The following ANKS1B variants were observed in gnomAD, a reference collection of about 807,000 sequenced individuals.
ANKS1B encodes the protein ankyrin repeat and sterile alpha motif domain containing 1B.
A neutral mutation model predicts 148.3 loss-of-function variants in ANKS1B; 36 were observed. That is an observed-to-expected ratio of 0.24 (90% CI 0.19 to 0.32). The LOEUF is 0.32. Ranked by LOEUF, ANKS1B falls within the 10% of genes least tolerant of loss-of-function variation. The pLI is 1.00. For synonymous variants in ANKS1B, 542 were observed against 560.8 expected, an observed-to-expected ratio of 0.97 and a Z score of 0.47; for missense variants, 1,157 against 1,542.6, an observed-to-expected ratio of 0.75 and a Z score of 4.19.
intron 17 of ANKS1B, among the ~76,000 whole-genome samples, chr12:99,001,571 T>A (rs928549267): frequency 1.2e-4 from 17 of 143,394 alleles, no homozygotes; most frequent in Non-Finnish European, 1.5e-5. Context: ...GTATACTATG[T>A]GATAATTTAA....
At chr12:98,765,310 G>T (rs1203440192) in intron 25 of ANKS1B, among the ~76,000 whole-genome samples, 2 of 152,142 alleles carry the variant, frequency 1.3e-5, no homozygotes, top group African/African-American at 4.8e-5. Context: ...AGTCACCCAG[G>T]CTGGAGTGCA....
chr12:99,185,775 T>G (rs2712639), intron 14 of ANKS1B, among the ~76,000 whole-genome samples: 1 of 152,264 alleles, frequency 6.6e-6, no homozygotes, highest in East Asian at 1.9e-4. Flanking sequence ...CCAGTGCCTA[T>G]GCCACAAGGG....
chr12:99,045,785 TTGCATTTGCC>T (rs1266406404), intron 17 of ANKS1B, among the ~76,000 whole-genome samples: 3 of 152,072 alleles, frequency 2.0e-5, no homozygotes, highest in Non-Finnish European at 4.4e-5. Context: ...ACAAAATGAG[TTGCATTTGCC>T]TGCAATTGCC....
intron 15 of ANKS1B, among the ~76,000 whole-genome samples, chr12:99,149,389 C>T (rs949516880): frequency 6.6e-6 from 1 of 152,150 alleles, no homozygotes; most frequent in African/African-American, 2.4e-5. Flanking sequence ...ATAGGCACTA[C>T]TCACTTTAAC....
chr12:99,644,158 A>G (rs2098336609), intron 9 of ANKS1B, among the ~76,000 whole-genome samples: 1 of 152,188 alleles, frequency 6.6e-6, no homozygotes, highest in Non-Finnish European at 1.5e-5. Flanking sequence ...CACCTACTAG[A>G]TCTGCTTTGC....
intron 9 of ANKS1B, among the ~76,000 whole-genome samples, chr12:99,614,002 G>T (rs554991241): frequency 6.6e-6 from 1 of 151,780 alleles, no homozygotes; most frequent in African/African-American, 2.4e-5. Flanking sequence ...AGATTTAAAT[G>T]ATTCTTTGAT....
At chr12:98,909,085 G>A (rs1313503010) in intron 17 of ANKS1B, among the ~76,000 whole-genome samples, 1 of 152,192 alleles carries the variant, frequency 6.6e-6, no homozygotes, top group Non-Finnish European at 1.5e-5. Context: ...CAGAGCTGGT[G>A]TGTGGTTCTA....
At chr12:98,927,511 T>A (rs1192717690) in intron 17 of ANKS1B, among the ~76,000 whole-genome samples, 1 of 152,064 alleles carries the variant, frequency 6.6e-6, no homozygotes, top group African/African-American at 2.4e-5. Flanking sequence ...TGCAAAGCAA[T>A]GATGACAAGC....
At chr12:99,499,502 C>T (rs1001589602) in intron 10 of ANKS1B, among the ~76,000 whole-genome samples, 1 of 152,156 alleles carries the variant, frequency 6.6e-6, no homozygotes, top group African/African-American at 2.4e-5. Flanking sequence ...AGTTAACACT[C>T]CTTCATCAAG....
intron 17 of ANKS1B, among the ~76,000 whole-genome samples, chr12:98,981,229 C>T (rs970672421): frequency 6.6e-6 from 1 of 152,214 alleles, no homozygotes; most frequent in African/African-American, 2.4e-5. Flanking sequence ...CCTCGAATTC[C>T]TGGCCTCAAG....
intron 12 of ANKS1B, among the ~76,000 whole-genome samples, chr12:99,373,373 T>G (rs1202442739): frequency 6.6e-6 from 1 of 152,158 alleles, no homozygotes; most frequent in Non-Finnish European, 1.5e-5. Context: ...GTGGACATCT[T>G]TTGTTTTTGC....
chr12:99,184,840 G>A lies in ANKS1B; in HGVS notation c.2420-30445C>T, dbSNP rs567660621. On this transcript the variant is annotated intron_variant, in intron 14 of 26. Coordinates refer to ENST00000683438, the MANE Select transcript of ANKS1B (RefSeq NM_001352186.2). ...TTAGTCACCCTGAGCCTCAGGTTTC[G>A]TATTTCTAAAATGAGGGTTAAAAAT... is the stretch of plus-strand genomic sequence containing the variant. Among the ~76,000 whole-genome samples the A allele has an allele frequency of 7.9e-5, 12 of 152,226 alleles. 1 individual carries two copies. The highest frequency in any genetic ancestry group is 2.4e-4 in the African/African-American group (10 of 41,538).
chr12:98,844,417 C>T (rs2099431216), intron 17 of ANKS1B, among the ~76,000 whole-genome samples: 1 of 152,196 alleles, frequency 6.6e-6, no homozygotes, highest in Non-Finnish European at 1.5e-5. Context: ...CCAGAAGGAG[C>T]TCAGCAGCCA....
At chr12:99,487,858 T>C (rs1289289091) in intron 10 of ANKS1B, among the ~76,000 whole-genome samples, 1 of 152,172 alleles carries the variant, frequency 6.6e-6, no homozygotes, top group African/African-American at 2.4e-5. Context: ...AATTCTATTA[T>C]TCAATAGTTC....
intron 17 of ANKS1B, among the ~76,000 whole-genome samples, chr12:98,869,884 G>A (rs2099644374): frequency 6.6e-6 from 1 of 152,112 alleles, no homozygotes; most frequent in South Asian, 2.1e-4. Context: ...CTGTACAATG[G>A]AGATAATAAA....
intron 15 of ANKS1B, among the ~76,000 whole-genome samples, chr12:99,098,527 C>G (rs1485960273): frequency 1.4e-5 from 2 of 140,060 alleles, no homozygotes; most frequent in Non-Finnish European, 3.0e-5. Context: ...TAATGCTTAT[C>G]TTTTAAGGAT....
chr12:99,418,714 G>A (rs2094986875), intron 11 of ANKS1B, among the ~76,000 whole-genome samples: 1 of 152,110 alleles, frequency 6.6e-6, no homozygotes, highest in African/African-American at 2.4e-5. Flanking sequence ...GGACATCCTT[G>A]CTTTGTTCCT....
At chr12:99,769,485 G>A (rs180699845) in intron 8 of ANKS1B, among the ~76,000 whole-genome samples, 26 of 152,228 alleles carry the variant, frequency 1.7e-4, no homozygotes, top group African/African-American at 6.0e-4. Context: ...TTCCAAAAAT[G>A]TCACTTTCAG....
chr12:99,984,051 C>A, intron 1 of ANKS1B, 53 bp downstream of exon 1: 2 of 1,484,428 alleles, frequency 1.3e-6, no homozygotes, highest in South Asian at 1.2e-5. Context: ...GACGTATATC[C>A]ATCACAATGC....
Sources: allele counts gnomAD v4.1 joint callset (sites outside exome capture counted in the v4.1 genomes callset), GRCh38; gene constraint gnomAD v4.1.1; transcripts MANE v1.5; gene names NCBI Gene and HGNC (gene_info 2026-07-23, HGNC 2026-07-21).